NUBPL: variants seen among roughly 807,000 people sequenced by gnomAD.
NUBPL encodes the protein iron-sulfur cluster transfer protein NUBPL.
Under a neutral mutation model 45.7 loss-of-function variants are expected in NUBPL, and 31 were observed. The observed-to-expected ratio is 0.68, with a 90% CI of 0.51 to 0.92. The LOEUF (loss-of-function observed/expected upper bound fraction) is 0.92. Ranked by LOEUF, NUBPL falls within the 40% of genes least tolerant of loss-of-function variation. NUBPL has a pLI of 0.00. For synonymous variants in NUBPL, 144 were observed against 140.9 expected, an observed-to-expected ratio of 1.02 and a Z score of -0.15; for missense variants, 401 against 398.7, an observed-to-expected ratio of 1.01 and a Z score of -0.05.
chr14:31,840,586 A>ACAAG (rs1566592827), intron 8 of NUBPL, among the ~76,000 whole-genome samples: 1 of 119,744 alleles, frequency 8.4e-6, no homozygotes, highest in Admixed American at 8.3e-5. Context: ...AAAAAAAAAA[A>ACAAG]AAAAGAAAAA....
intron 6 of NUBPL, among the ~76,000 whole-genome samples, chr14:31,675,544 A>G (rs1451740523): frequency 2.0e-5 from 3 of 152,244 alleles, no homozygotes; most frequent in African/African-American, 7.2e-5. Context: ...AGAAGAATGT[A>G]CAAATCATGA....
intron 6 of NUBPL, among the ~76,000 whole-genome samples, chr14:31,678,916 C>T (rs577499799): frequency 6.6e-6 from 1 of 152,250 alleles, no homozygotes; most frequent in South Asian, 2.1e-4. Context: ...TTTAGAATCC[C>T]AGAGCACTCC....
chr14:31,681,943 G>A (rs1313550109), intron 6 of NUBPL, among the ~76,000 whole-genome samples: 1 of 152,042 alleles, frequency 6.6e-6, no homozygotes, highest in African/African-American at 2.4e-5. Flanking sequence ...TTGTGGACCA[G>A]CACCAGCATG....
intron 4 of NUBPL, among the ~76,000 whole-genome samples, chr14:31,605,125 G>T (rs12882018): frequency 6.6e-6 from 1 of 151,992 alleles, no homozygotes; most frequent in Admixed American, 6.6e-5. Context: ...CTTCATTTTA[G>T]CTTTCCAAAT....
At chr14:31,638,934 A>C (rs529077796) in intron 4 of NUBPL, among the ~76,000 whole-genome samples, 1 of 152,250 alleles carries the variant, frequency 6.6e-6, no homozygotes, top group African/African-American at 2.4e-5. Context: ...TTTCAGCTCC[A>C]TCAGCTCCTT....
chr14:31,773,224 A>G (rs558228893), intron 6 of NUBPL, among the ~76,000 whole-genome samples: 1 of 152,344 alleles, frequency 6.6e-6, no homozygotes, highest in Non-Finnish European at 1.5e-5. Context: ...GCCACTGGGT[A>G]AAACAAAACA....
At chr14:31,795,043 G>C (rs2039456797) in intron 7 of NUBPL, among the ~76,000 whole-genome samples, 1 of 148,684 alleles carries the variant, frequency 6.7e-6, no homozygotes, top group Non-Finnish European at 1.5e-5. Flanking sequence ...GATAGTTGTA[G>C]ATATGCGGCA....
In NUBPL at chr14:31,859,676, G is replaced by A. The variant is rs184174410; in HGVS notation, c.*496G>A. ...TTCATCTGGATCACACTATACCCCAGACTTAATGAATTTCAGTCTCCAGGA... is the reference window on the plus strand; with the variant it reads ...TTCATCTGGATCACACTATACCCCAAACTTAATGAATTTCAGTCTCCAGGA... On this transcript the variant is annotated 3_prime_UTR_variant, in exon 11 of 11. Coordinates refer to ENST00000281081, the MANE Select transcript of NUBPL (RefSeq NM_025152.3). The A allele has an allele frequency of 3.3e-4, 57 of 172,988 alleles. No individual in the cohort carries two copies. Among genetic ancestry groups the A allele is most frequent in the African/African-American group, 1.2e-3 (51 of 41,876 alleles). The allele number at this position is 172,988 out of a possible 1,614,324, so 10.7% of individuals were successfully genotyped here.
chr14:31,693,011 G>A (rs924219432), intron 6 of NUBPL, among the ~76,000 whole-genome samples: 12 of 151,894 alleles, frequency 7.9e-5, no homozygotes, highest in East Asian at 3.9e-4. Context: ...AATGTATGTC[G>A]AAATAAATAT....
intron 6 of NUBPL, among the ~76,000 whole-genome samples, chr14:31,678,053 A>T (rs1375655120): frequency 6.6e-6 from 1 of 152,194 alleles, no homozygotes; most frequent in Non-Finnish European, 1.5e-5. Context: ...TTCTTTCCAC[A>T]GGCAGAGGAG....
chr14:31,567,075 C>T (rs1212428919), intron 3 of NUBPL, among the ~76,000 whole-genome samples: 3 of 152,142 alleles, frequency 2.0e-5, no homozygotes, highest in East Asian at 1.9e-4. Context: ...AATTTATATT[C>T]GTTATTTGAT....
Position 31,728,998 on chromosome 14 carries a change from C to T in NUBPL, c.513+55424C>T, listed in dbSNP as rs187672983. ...CTCATTTATAATTATTCAACAAGTACGGCTGGGCACGGTGGCTCACGCCTG... is the reference window on the plus strand; with the variant it reads ...CTCATTTATAATTATTCAACAAGTATGGCTGGGCACGGTGGCTCACGCCTG... On this transcript the variant is annotated intron_variant, in intron 6 of 10. Coordinates refer to ENST00000281081, the MANE Select transcript of NUBPL (RefSeq NM_025152.3). 2.0e-4 allele frequency among the ~76,000 whole-genome samples: 31 copies of T among 152,156 alleles called. No individual in the cohort carries two copies. In the East Asian group the frequency reaches 2.1e-3, roughly 10 times the overall value.
chr14:31,624,540 A>G (rs1195287257), intron 4 of NUBPL, among the ~76,000 whole-genome samples: 1 of 152,152 alleles, frequency 6.6e-6, no homozygotes, highest in Non-Finnish European at 1.5e-5. Flanking sequence ...TGTAGAAGAC[A>G]TTTAGCAATG....
intron 7 of NUBPL, among the ~76,000 whole-genome samples, chr14:31,803,303 C>T (rs1488111176): frequency 2.6e-5 from 4 of 152,118 alleles, no homozygotes; most frequent in Non-Finnish European, 5.9e-5. Context: ...TTTTAAATAA[C>T]TATTTTTTCA....
At chr14:31,645,512 C>T (rs1478297400) in intron 4 of NUBPL, among the ~76,000 whole-genome samples, 1 of 152,078 alleles carries the variant, frequency 6.6e-6, no homozygotes, top group Non-Finnish European at 1.5e-5. Flanking sequence ...CATTTTGTTT[C>T]TTATTTTTTG....
intron 7 of NUBPL, among the ~76,000 whole-genome samples, chr14:31,811,306 T>C (rs946873927): frequency 4.6e-5 from 7 of 152,142 alleles, no homozygotes; most frequent in Non-Finnish European, 7.4e-5. Flanking sequence ...TCTTGGAAGA[T>C]TTGTTTGTTT....
chr14:31,696,501 A>G (rs891055674), intron 6 of NUBPL, among the ~76,000 whole-genome samples: 105 of 152,136 alleles, frequency 6.9e-4, no homozygotes, highest in Admixed American at 2.5e-3. Context: ...TCAATATGGT[A>G]TTAACTTCCT....
At position 31,631,178 on chromosome 14, in the gene NUBPL, T is replaced by G. The variant is rs187055817; in HGVS notation, c.382+31799T>G. ...TATAGTCTTCCCTGCTGTAATTCCA[T>G]GTCTAAAACATAGTTTTTATGTTTT... On this transcript the variant is annotated intron_variant, in intron 4 of 10. Coordinates refer to ENST00000281081, the MANE Select transcript of NUBPL (RefSeq NM_025152.3). Among the ~76,000 whole-genome samples the G allele has an allele frequency of 1.2e-4, 18 of 152,336 alleles. No individual in the cohort carries two copies. In the East Asian group the frequency reaches 2.1e-3, roughly 18 times the overall value.
At chr14:31,572,066 AG>A (rs35649269) in intron 3 of NUBPL, among the ~76,000 whole-genome samples, 61,571 of 151,962 alleles carry the variant, frequency 0.41, 14,139 homozygotes, top group East Asian at 0.59. Flanking sequence ...GGCAGAGCTA[AG>A]GTTCGAATGC....
Sources: gnomAD v4.1 joint callset for allele counts (sites outside exome capture counted in the v4.1 genomes callset) on GRCh38, gnomAD v4.1.1 for gene constraint, MANE v1.5 for transcripts, NCBI Gene and HGNC (gene_info 2026-07-23, HGNC 2026-07-21) for gene names.